The following FSTL4 variants were observed in gnomAD, a reference collection of about 807,000 sequenced individuals.
FSTL4 encodes the protein follistatin like 4.
Under a neutral mutation model 78.2 loss-of-function variants are expected in FSTL4, and 28 were observed. That is an observed-to-expected ratio of 0.36 (90% CI 0.27 to 0.49). The LOEUF (loss-of-function observed/expected upper bound fraction) is 0.49, where lower values mean the gene tolerates loss of function less well. Among genes scored for constraint, FSTL4 ranks in the 20% least tolerant of loss-of-function variants. FSTL4 has a pLI of 0.98. For missense variants in FSTL4, 922 were observed against 1,084.9 expected, an observed-to-expected ratio of 0.85 and a Z score of 2.11; for synonymous variants, 422 against 440.5, an observed-to-expected ratio of 0.96 and a Z score of 0.53.
chr5:133,756,826 G>A, the FSTL4 span, among the ~76,000 whole-genome samples: 1 of 152,122 alleles, frequency 6.6e-6, no homozygotes, highest in East Asian at 1.9e-4. Flanking sequence ...GTTGTAGTGG[G>A]AGGGTCTCTC....
chr5:133,618,654 A>G, the FSTL4 span, among the ~76,000 whole-genome samples: 1 of 152,226 alleles, frequency 6.6e-6, no homozygotes, highest in African/African-American at 2.4e-5. Flanking sequence ...AATCCTCATG[A>G]CAACTCTGTA....
intron 4 of FSTL4, among the ~76,000 whole-genome samples, chr5:133,356,340 C>G (rs1754944318): frequency 6.6e-6 from 1 of 152,178 alleles, no homozygotes; most frequent in Admixed American, 6.5e-5. Flanking sequence ...GTCCACTGAT[C>G]TCTACCTGGA....
At chr5:133,669,330 A>G in the FSTL4 span, among the ~76,000 whole-genome samples, 1 of 152,210 alleles carries the variant, frequency 6.6e-6, no homozygotes, top group Non-Finnish European at 1.5e-5. Context: ...GTGGACAGTC[A>G]GGCTCCAGGC....
At chr5:133,692,893 A>G in the FSTL4 span, among the ~76,000 whole-genome samples, 63 of 152,306 alleles carry the variant, frequency 4.1e-4, no homozygotes, top group African/African-American at 1.5e-3. Flanking sequence ...GTCCACTGCC[A>G]TCTGCCTCTG....
At chr5:133,301,565 G>C (rs726898) in intron 6 of FSTL4, among the ~76,000 whole-genome samples, 36,622 of 152,024 alleles carry the variant, frequency 0.24, 5,096 homozygotes, top group East Asian at 0.47. Flanking sequence ...ACTGCCCATC[G>C]CACCACCTGT....
chr5:133,255,387 C>T (rs1443199116), intron 6 of FSTL4, among the ~76,000 whole-genome samples: 1 of 152,168 alleles, frequency 6.6e-6, no homozygotes, highest in Middle Eastern at 3.2e-3. Flanking sequence ...CTGAGGAGGG[C>T]AAGGGAGTTG....
intron 6 of FSTL4, among the ~76,000 whole-genome samples, chr5:133,260,920 G>A (rs950708338): frequency 6.6e-6 from 1 of 152,214 alleles, no homozygotes; most frequent in Non-Finnish European, 1.5e-5. Context: ...GAGTAAGGAA[G>A]CCCTCTGGGG....
intron 3 of FSTL4, among the ~76,000 whole-genome samples, chr5:133,513,800 T>C (rs1305106313): frequency 6.6e-6 from 1 of 152,090 alleles, no homozygotes; most frequent in Non-Finnish European, 1.5e-5. Flanking sequence ...AACAGAACAT[T>C]ATCCTGAAGG....
chr5:133,599,454 A>G (rs1760809245), intron 2 of FSTL4, among the ~76,000 whole-genome samples: 1 of 152,170 alleles, frequency 6.6e-6, no homozygotes, highest in Non-Finnish European at 1.5e-5. Flanking sequence ...CTTTACTTTG[A>G]GAGAATTTGC....
chr5:133,538,912 C>A (rs1206214461), intron 3 of FSTL4, among the ~76,000 whole-genome samples: 1 of 152,062 alleles, frequency 6.6e-6, no homozygotes, highest in East Asian at 1.9e-4. Flanking sequence ...GCTTGTTGAG[C>A]GTCTCTCTTT....
chr5:133,814,028 G>A, the FSTL4 span, among the ~76,000 whole-genome samples: 1 of 152,136 alleles, frequency 6.6e-6, no homozygotes, highest in Admixed American at 6.5e-5. Context: ...TAATTGTACT[G>A]GGCTAAACAC....
At chr5:133,701,914 A>G in the FSTL4 span, among the ~76,000 whole-genome samples, 2 of 152,082 alleles carry the variant, frequency 1.3e-5, no homozygotes, top group African/African-American at 4.8e-5. Flanking sequence ...TGAGCATTCC[A>G]TAAGGAAACC....
At chr5:133,302,975 C>T (rs1343302168) in intron 6 of FSTL4, among the ~76,000 whole-genome samples, 1 of 152,266 alleles carries the variant, frequency 6.6e-6, no homozygotes, top group African/African-American at 2.4e-5. Context: ...GGCTCCTCTT[C>T]CCTGCTCTGC....
chr5:133,487,150 C>T (rs540982084), intron 3 of FSTL4, among the ~76,000 whole-genome samples: 3 of 152,288 alleles, frequency 2.0e-5, no homozygotes, highest in East Asian at 3.9e-4. Context: ...CTCAAGAGGA[C>T]GCTCTGATGT....
chr5:133,250,896 G>T (rs1489345762), intron 6 of FSTL4, among the ~76,000 whole-genome samples: 1 of 152,204 alleles, frequency 6.6e-6, no homozygotes. Context: ...GGATGGATGA[G>T]AAATGGAGAA....
chr5:133,272,962 T>G (rs192020401), intron 6 of FSTL4, among the ~76,000 whole-genome samples: 151 of 152,378 alleles, frequency 9.9e-4, no homozygotes, highest in Non-Finnish European at 1.7e-3. Flanking sequence ...GTTCCCCTTC[T>G]GGGAGCTTCT....
At chr5:133,664,290 C>T in the FSTL4 span, among the ~76,000 whole-genome samples, 2 of 151,552 alleles carry the variant, frequency 1.3e-5, no homozygotes, top group African/African-American at 4.9e-5. Flanking sequence ...GGAAACATGG[C>T]GCAGCATAGC....
chr5:133,247,981 C>T (rs897916284), intron 7 of FSTL4: 2 of 152,314 alleles, frequency 1.3e-5, no homozygotes, highest in Non-Finnish European at 2.9e-5. Context: ...CTGGGTCTCT[C>T]TCCCCACAAG....
intron 6 of FSTL4, among the ~76,000 whole-genome samples, chr5:133,260,503 G>A (rs916594690): frequency 1.3e-5 from 2 of 152,178 alleles, no homozygotes; most frequent in African/African-American, 4.8e-5. Context: ...TCCTGTGCCA[G>A]CCGTCAGCTC....
Sources: gnomAD v4.1 joint callset for allele counts (sites outside exome capture counted in the v4.1 genomes callset) on GRCh38, gnomAD v4.1.1 for gene constraint, MANE v1.5 for transcripts, NCBI Gene and HGNC (gene_info 2026-07-23, HGNC 2026-07-21) for gene names.